The following ENPEP variants were observed in gnomAD, a reference collection of about 807,000 sequenced individuals.
The protein encoded by ENPEP is AP-A.
ENPEP carries 103 observed loss-of-function variants against 114.5 expected under a neutral mutation model. That is an observed-to-expected ratio of 0.90 (90% CI 0.77 to 1.06). The LOEUF (loss-of-function observed/expected upper bound fraction) is 1.06. Among genes scored for constraint, ENPEP ranks in the 50% least tolerant of loss-of-function variants. The pLI, the probability that ENPEP is intolerant of heterozygous loss-of-function variation, is 0.00. For missense variants in ENPEP, 1,196 were observed against 1,161.3 expected (o/e 1.03, Z -0.43); for synonymous variants, 420 against 422.0 (o/e 1.00, Z 0.06).
chr4:110,514,567 A>C (rs1725690763), intron 7 of ENPEP, among the ~76,000 whole-genome samples: 1 of 152,102 alleles, frequency 6.6e-6, no homozygotes, highest in South Asian at 2.1e-4. Flanking sequence ...TTTTCCCCTT[A>C]GTCCTAGATA....
chr4:110,510,605 G>T (rs1371890020), intron 6 of ENPEP, among the ~76,000 whole-genome samples: 1 of 113,468 alleles, frequency 8.8e-6, no homozygotes, highest in East Asian at 2.9e-4. Context: ...ACATTATCAA[G>T]GCAGGAAAAA....
Position 110,563,484 on chromosome 4 carries a change from G to T in ENPEP, c.*1926G>T, listed in dbSNP as rs1727741113. 6.6e-6 allele frequency: 1 copy of T among 152,074 alleles called. No individual in the cohort carries two copies. The highest frequency in any genetic ancestry group is 1.5e-5 in the Non-Finnish European group (1 of 67,998). The allele number at this position is 152,074 out of a possible 1,614,324, so 9.4% of individuals were successfully genotyped here. A position where few individuals can be genotyped will look rare whatever the true frequency, so the allele number is the denominator to read the frequency against. On this transcript the variant is annotated 3_prime_UTR_variant, in exon 20 of 20. Transcript: ENST00000265162. ...TCAGAATAAGTCTTCTAGACCATCA[G>T]GTCCTTCTCAAACAACACCTGTTTT...
rs1725946627 is a variant in ENPEP, at chr4:110,520,437, A to G, written c.1727+71A>G. On this transcript the variant is annotated intron_variant, in intron 10 of 19. Transcript: ENST00000265162. The stretch of plus-strand genomic sequence containing the variant: ...AATATTGGTAATTTGTTTATATCCT[A>G]TTGTTGAGTACATGATGGATGAGTG... 6.1e-6 allele frequency: 9 copies of G among 1,473,476 alleles called. No homozygotes were observed. The East Asian group carries it at 2.0e-4, about 33-fold the overall frequency. 91.3% of individuals were successfully genotyped at this position (1,473,476 alleles called of 1,614,324 possible).
intron 18 of ENPEP, among the ~76,000 whole-genome samples, chr4:110,555,709 CCT>C (rs1301299844): frequency 1.3e-5 from 2 of 151,956 alleles, no homozygotes; most frequent in African/African-American, 4.8e-5. Context: ...TCAAATACTA[CCT>C]CATAAACCAA....
chr4:110,496,357 T>C, intron 3 of ENPEP, among the ~76,000 whole-genome samples: 1 of 152,324 alleles, frequency 6.6e-6, no homozygotes, highest in South Asian at 2.1e-4. Context: ...TTTTTAAACT[T>C]CTTATTTTGA....
chr4:110,514,032 A>T (rs1363658580), intron 7 of ENPEP, among the ~76,000 whole-genome samples: 3 of 152,108 alleles, frequency 2.0e-5, no homozygotes, highest in Non-Finnish European at 4.4e-5. Context: ...AGCATATTGT[A>T]GGTGAGGATT....
intron 10 of ENPEP, among the ~76,000 whole-genome samples, chr4:110,523,334 C>G (rs969261184): frequency 6.6e-6 from 1 of 152,158 alleles, no homozygotes; most frequent in Non-Finnish European, 1.5e-5. Context: ...AAATGTCCCT[C>G]TCCCCCTTCT....
intron 1 of ENPEP, among the ~76,000 whole-genome samples, chr4:110,479,619 C>G (rs551663959): frequency 6.6e-6 from 1 of 152,072 alleles, no homozygotes; most frequent in East Asian, 1.9e-4. Context: ...TTCCTCTGAG[C>G]CTTACTAACA....
intron 10 of ENPEP, among the ~76,000 whole-genome samples, chr4:110,527,438 C>T (rs1044317855): frequency 6.6e-6 from 1 of 152,074 alleles, no homozygotes; most frequent in African/African-American, 2.4e-5. Context: ...ATATGAGGTC[C>T]CTTCAGGGAG....
At chr4:110,479,270 A>G (rs1724223291) in intron 1 of ENPEP, among the ~76,000 whole-genome samples, 1 of 152,204 alleles carries the variant, frequency 6.6e-6, no homozygotes. Context: ...ATGGTAGGCC[A>G]TTGTATGACT....
chr4:110,527,756 T>G (rs1055360844), intron 10 of ENPEP, among the ~76,000 whole-genome samples: 2 of 152,204 alleles, frequency 1.3e-5, no homozygotes, highest in African/African-American at 2.4e-5. Context: ...TTAAAAAGTA[T>G]TTCTCTCTTG....
intron 7 of ENPEP, among the ~76,000 whole-genome samples, chr4:110,513,853 G>T (rs929270720): frequency 1.3e-5 from 2 of 151,974 alleles, no homozygotes; most frequent in Non-Finnish European, 2.9e-5. Flanking sequence ...TGTTTTATTT[G>T]ATTTTTTAAA....
rs1726898585 is a variant in ENPEP, at chr4:110,542,788, T to G, written c.1845T>G (p.Ala615=). Residue 615 remains alanine, a synonymous_variant, in exon 12 of 20, where the codon GCT becomes GCG. Coordinates refer to ENST00000265162, the MANE Select transcript of ENPEP (RefSeq NM_001977.4). ...ACTCCTCTAATCCTAGTGGAAATGC[T>G]TTTCTCAAAATAAACCCAGATCATA... ...TLNSSNPSGN[A]FLKINPDHIG... 1 of 1,612,900 alleles carries G rather than the reference T, an allele frequency of 6.2e-7. No individual in the cohort carries two copies. The highest frequency in any genetic ancestry group is 1.3e-5 in the African/African-American group (1 of 74,860).
At chr4:110,492,849 C>T (rs1162305614) in intron 3 of ENPEP, among the ~76,000 whole-genome samples, 1 of 152,178 alleles carries the variant, frequency 6.6e-6, no homozygotes, top group Non-Finnish European at 1.5e-5. Context: ...AAGCTGCTTT[C>T]TTCATCATTG....
chr4:110,534,213 TG>T (rs11354468), intron 11 of ENPEP, among the ~76,000 whole-genome samples: 150,344 of 152,228 alleles, frequency 0.99, 74,261 homozygotes, highest in Non-Finnish European at 1. Context: ...CAGGCAATAG[TG>T]GGACTCTCCC....
At chr4:110,497,917 A>G (rs895677345) in intron 3 of ENPEP, among the ~76,000 whole-genome samples, 1 of 152,208 alleles carries the variant, frequency 6.6e-6, no homozygotes, top group Non-Finnish European at 1.5e-5. Context: ...AGAATATTTA[A>G]AAGAACATAA....
chr4:110,505,168 G>C (rs1019334438), intron 3 of ENPEP, among the ~76,000 whole-genome samples: 6 of 152,134 alleles, frequency 3.9e-5, no homozygotes, highest in African/African-American at 1.4e-4. Flanking sequence ...CTGTTCAATG[G>C]CCAAAAACTG....
chr4:110,488,792 C>A (rs769154850), intron 2 of ENPEP, 110 bp downstream of exon 2: 31 of 1,383,110 alleles, frequency 2.2e-5, no homozygotes, highest in Non-Finnish European at 2.8e-5. Flanking sequence ...ACTAAATGTG[C>A]ACTAATAGTT....
Position 110,491,015 on chromosome 4 carries a change from A to G in ENPEP, c.787-18A>G, listed in dbSNP as rs1457401310. On this transcript the variant is annotated intron_variant, in intron 2 of 19. Coordinates refer to ENST00000265162, the MANE Select transcript of ENPEP (RefSeq NM_001977.4). Reference sequence around the variant, plus strand: ...TTGATATTTTGATCGATAAAAGTTTATCTTTTCTTTTCAATAGAAAGAAGA... The same window carrying G: ...TTGATATTTTGATCGATAAAAGTTTGTCTTTTCTTTTCAATAGAAAGAAGA... 16 of 1,598,738 alleles carry G rather than the reference A, an allele frequency of 1.0e-5. No individual in the cohort carries two copies. Among genetic ancestry groups the G allele is most frequent in the Non-Finnish European group, 1.2e-5 (14 of 1,175,880 alleles).
Sources: allele counts gnomAD v4.1 joint callset (sites outside exome capture counted in the v4.1 genomes callset), GRCh38; gene constraint gnomAD v4.1.1; transcripts MANE v1.5; gene names NCBI Gene and HGNC (gene_info 2026-07-23, HGNC 2026-07-21).